Variants in PDE7B observed in about 807,000 individuals in gnomAD.
The protein encoded by PDE7B is phosphodiesterase 7B.
Under a neutral mutation model 56.2 loss-of-function variants are expected in PDE7B, and 29 were observed. The ratio of observed to expected loss-of-function variants is 0.52; its 90% CI spans 0.38 to 0.70. The LOEUF is 0.70. Among genes scored for constraint, PDE7B ranks in the 30% least tolerant of loss-of-function variants. The pLI is 0.00. For missense variants in PDE7B, 490 were observed against 565.0 expected (o/e 0.87, Z 1.35); for synonymous variants, 197 against 196.9 (o/e 1.00, Z 0.00).
chr6:135,918,093 T>G (rs77472941), intron 1 of PDE7B, among the ~76,000 whole-genome samples: 1 of 152,196 alleles, frequency 6.6e-6, no homozygotes, highest in African/African-American at 2.4e-5. Flanking sequence ...GTCTTTCTTC[T>G]CTATGCAGTT....
Position 135,918,343 on chromosome 6 carries a change from T to C in PDE7B, c.22-29121T>C, listed in dbSNP as rs1418983132. 2.6e-5 allele frequency among the ~76,000 whole-genome samples: 4 copies of C among 152,366 alleles called. No homozygotes were observed. The South Asian group carries it at 6.2e-4, about 24-fold the overall frequency. On this transcript the variant is annotated intron_variant, in intron 1 of 12. Transcript: ENST00000308191. ...GTTGCTTCAAACATTTTGTTCAGTT[T>C]TGTAATAGTTTATGGCTGGATGAAT...
intron 2 of PDE7B, among the ~76,000 whole-genome samples, chr6:136,083,908 T>A (rs1245780944): frequency 6.6e-6 from 1 of 152,174 alleles, no homozygotes; most frequent in Admixed American, 6.5e-5. Flanking sequence ...CAGCAACAAA[T>A]GATTTCTGAA....
intron 2 of PDE7B, among the ~76,000 whole-genome samples, chr6:136,043,575 C>CAAAAAAAAAAAAA (rs34337621): frequency 1.9e-5 from 2 of 106,908 alleles, no homozygotes; most frequent in Non-Finnish European, 3.7e-5. Context: ...GACATAATAG[C>CAAAAAAAAAAAAA]AAAAAAAAAA....
chr6:136,179,899 C>A (rs1402905040), intron 10 of PDE7B, among the ~76,000 whole-genome samples: 1 of 152,200 alleles, frequency 6.6e-6, no homozygotes, highest in Non-Finnish European at 1.5e-5. Context: ...CTGTTTTACT[C>A]CACGGCAAGA....
chr6:136,186,237 G>A lies in PDE7B; in HGVS notation c.1046-799G>A, dbSNP rs140386355. Among the ~76,000 whole-genome samples the A allele has an allele frequency of 1.1e-3, 162 of 152,060 alleles. 1 individual carries two copies. The highest frequency in any genetic ancestry group is 3.4e-3 in the African/African-American group (142 of 41,490). On this transcript the variant is annotated intron_variant, in intron 11 of 12. Coordinates refer to ENST00000308191, the MANE Select transcript of PDE7B (RefSeq NM_018945.4). Reference sequence around the variant, plus strand: ...TTAAGACTAGTCTGGACAACATAGCGAGACCTCATCTCTACTAAAAATAAA... The same window carrying A: ...TTAAGACTAGTCTGGACAACATAGCAAGACCTCATCTCTACTAAAAATAAA...
At chr6:135,986,886 C>T (rs966714688) in intron 2 of PDE7B, among the ~76,000 whole-genome samples, 3 of 152,156 alleles carry the variant, frequency 2.0e-5, no homozygotes, top group African/African-American at 4.8e-5. Flanking sequence ...TGACCAGTGC[C>T]GTCCTAGGTT....
At chr6:135,921,549 TC>T (rs1205592584) in intron 1 of PDE7B, among the ~76,000 whole-genome samples, 3 of 152,280 alleles carry the variant, frequency 2.0e-5, no homozygotes, top group East Asian at 3.9e-4. Context: ...GCATAATATA[TC>T]CATCATCTGG....
chr6:136,155,438 A>C (rs1244001518), intron 7 of PDE7B, among the ~76,000 whole-genome samples, 189 bp from the exon 8 acceptor site: 1 of 152,218 alleles, frequency 6.6e-6, no homozygotes, highest in Non-Finnish European at 1.5e-5. Context: ...AATATTTTCC[A>C]CACAGTCCTT....
intron 2 of PDE7B, among the ~76,000 whole-genome samples, chr6:135,997,030 A>G (rs890047262): frequency 6.6e-5 from 10 of 152,080 alleles, no homozygotes; most frequent in Admixed American, 2.0e-4. Context: ...CCCAGTCCCG[A>G]TGGAAGCTGG....
chr6:136,116,192 A>C (rs1777827188), intron 3 of PDE7B, among the ~76,000 whole-genome samples: 1 of 152,254 alleles, frequency 6.6e-6, no homozygotes, highest in South Asian at 2.1e-4. Flanking sequence ...AAGATAAGAC[A>C]GTGTTGACTG....
chr6:136,007,497 C>T (rs1438131890), intron 2 of PDE7B, among the ~76,000 whole-genome samples: 1 of 152,100 alleles, frequency 6.6e-6, no homozygotes, highest in South Asian at 2.1e-4. Context: ...CAGGAAGGAA[C>T]TAGTTGTGAC....
intron 5 of PDE7B, among the ~76,000 whole-genome samples, chr6:136,150,264 C>T (rs1463369285): frequency 6.6e-6 from 1 of 152,172 alleles, no homozygotes; most frequent in Non-Finnish European, 1.5e-5. Context: ...GCAAAATCGA[C>T]AGGGGGAAAT....
chr6:135,939,004 C>G (rs1014997248), intron 1 of PDE7B, among the ~76,000 whole-genome samples: 1 of 152,140 alleles, frequency 6.6e-6, no homozygotes, highest in African/African-American at 2.4e-5. Flanking sequence ...CTCTGGAGAC[C>G]GCTGCTGCTG....
chr6:135,973,973 G>A (rs1775138684), intron 2 of PDE7B, among the ~76,000 whole-genome samples: 1 of 152,028 alleles, frequency 6.6e-6, no homozygotes, highest in South Asian at 2.1e-4. Context: ...ATGTACTAGG[G>A]GTCCTCTGTT....
intron 2 of PDE7B, among the ~76,000 whole-genome samples, chr6:135,953,632 C>A (rs1261366912): frequency 7.2e-5 from 11 of 152,068 alleles, no homozygotes; most frequent in African/African-American, 2.7e-4. Context: ...CCTTGCACTT[C>A]ATTTTATATT....
intron 2 of PDE7B, among the ~76,000 whole-genome samples, chr6:135,980,172 G>C (rs569745323): frequency 6.6e-6 from 1 of 152,046 alleles, no homozygotes; most frequent in Non-Finnish European, 1.5e-5. Context: ...ACAAACCTGA[G>C]AAAAACAAGC....
chr6:135,902,463 T>C (rs1262535421), intron 1 of PDE7B, among the ~76,000 whole-genome samples: 1 of 152,080 alleles, frequency 6.6e-6, no homozygotes, highest in African/African-American at 2.4e-5. Context: ...AAATCTCCTT[T>C]TTACACATCA....
intron 3 of PDE7B, among the ~76,000 whole-genome samples, chr6:136,112,043 C>T (rs1437242795): frequency 6.6e-6 from 1 of 152,150 alleles, no homozygotes; most frequent in Non-Finnish European, 1.5e-5. Context: ...CACACAACTG[C>T]CATCCCCTTT....
At position 136,159,079 on chromosome 6, in the gene PDE7B, A is replaced by G. The variant is rs188568958; in HGVS notation, c.711+3321A>G. Among the ~76,000 whole-genome samples, 229 of 152,316 alleles carry G rather than the reference A, an allele frequency of 1.5e-3. 1 individual carries two copies. Among genetic ancestry groups the G allele is most frequent in the African/African-American group, 5.1e-3 (214 of 41,576 alleles). On this transcript the variant is annotated intron_variant, in intron 8 of 12. Coordinates refer to ENST00000308191, the MANE Select transcript of PDE7B (RefSeq NM_018945.4). ...GTCCCATAAACATTTATTACACTCT[A>G]TAATGTCTTGCAGAAGTTTATAATC... is the stretch of plus-strand genomic sequence containing the variant.
Sources: allele counts gnomAD v4.1 joint callset (sites outside exome capture counted in the v4.1 genomes callset), GRCh38; gene constraint gnomAD v4.1.1; transcripts MANE v1.5; gene names NCBI Gene and HGNC (gene_info 2026-07-23, HGNC 2026-07-21).